Variants in MDGA1 observed in about 807,000 individuals in gnomAD.
The protein encoded by MDGA1 is MAM domain containing glycosylphosphatidylinositol anchor 1, also known as MAM domain-containing glycosylphosphatidylinositol anchor protein 1.
In MDGA1, 54 loss-of-function variants were observed where a neutral mutation model predicts 101.5. That is an observed-to-expected ratio of 0.53 (90% confidence interval 0.43 to 0.67). The LOEUF is 0.67. Among genes scored for constraint, MDGA1 ranks in the 30% least tolerant of loss-of-function variants. The pLI, the probability that MDGA1 is intolerant of heterozygous loss-of-function variation, is 0.00. For missense variants in MDGA1, 1,083 were observed against 1,323.8 expected (o/e 0.82, Z 2.82); for synonymous variants, 533 against 558.3 (o/e 0.95, Z 0.64).
rs1761436051 is a variant in MDGA1 at position 37,654,446 on chromosome 6, G to A, written c.810C>T (p.Leu270=). ...GCCCATGGGACCACTGCAGCTGGGG[G>A]AGGGGATCACCGCCTGTCAGCAGAC... ...VQCLLTGGDP[L]PQLQWSHGPG... Residue 270 remains leucine (L), a synonymous_variant, in exon 6 of 17, where the codon CTC becomes CTT. Transcript: ENST00000434837. 1 of 1,614,040 alleles carries A rather than the reference G, an allele frequency of 6.2e-7. No individual in the cohort carries two copies. Among genetic ancestry groups the A allele is most frequent in the African/African-American group, 1.3e-5 (1 of 75,064 alleles).
chr6:37,637,332 G>A lies in MDGA1; in HGVS notation c.*36C>T, dbSNP rs369667725. The A allele has an allele frequency of 4.2e-4, 649 of 1,542,050 alleles. 4 individuals carry two copies. The highest frequency in any genetic ancestry group is 2.8e-3 in the East Asian group (123 of 44,114). ...TACAATGTGGACACTTTGGTGTGCC[G>A]GGGGCAAGGTTGGGGGGGTGGCCAC... is the stretch of plus-strand genomic sequence containing the variant. On this transcript the variant is annotated 3_prime_UTR_variant, in exon 17 of 17. Coordinates refer to ENST00000434837, the MANE Select transcript of MDGA1 (RefSeq NM_153487.4).
In MDGA1 at chr6:37,638,748, C is replaced by G; in HGVS notation, c.2537-81G>C. 1 of 1,520,022 alleles carries G rather than the reference C, an allele frequency of 6.6e-7. No individual in the cohort carries two copies. Among genetic ancestry groups the G allele is most frequent in the South Asian group, 1.2e-5 (1 of 80,390 alleles). 94.2% of individuals were successfully genotyped at this position (1,520,022 alleles called of 1,614,324 possible). On this transcript the variant is annotated intron_variant, in intron 14 of 16. Transcript: ENST00000434837. This position sits in a 1 kb window ranked among gnomAD's most constrained non-coding sequence, Gnocchi z 4.8. The stretch of plus-strand genomic sequence containing the variant: ...TTCCACATTTACCAAGCCCTCTTCT[C>G]CCACCATAGCCTGCAGCCCTGTCCC...
chr6:37,687,202 T>C (rs1762214252), intron 1 of MDGA1, among the ~76,000 whole-genome samples: 1 of 151,968 alleles, frequency 6.6e-6, no homozygotes, highest in Admixed American at 6.5e-5. Context: ...CAGATGTCAT[T>C]TCACCTCTGC....
chr6:37,648,647 G>A (rs1761272924), intron 9 of MDGA1: 2 of 385,204 alleles, frequency 5.2e-6, no homozygotes, highest in Non-Finnish European at 9.3e-6. Context: ...CCAGGAAGCG[G>A]GCTGAGCTGT....
intron 1 of MDGA1, among the ~76,000 whole-genome samples, chr6:37,688,076 AG>A (rs1326447937): frequency 2.6e-5 from 4 of 152,312 alleles, no homozygotes; most frequent in African/African-American, 9.6e-5. Context: ...CCAAGACTCC[AG>A]GGTTCAGATG....
At chr6:37,670,894 G>C (rs538018915) in intron 1 of MDGA1, among the ~76,000 whole-genome samples, 4 of 152,212 alleles carry the variant, frequency 2.6e-5, no homozygotes, top group Admixed American at 1.3e-4. Context: ...CAGCACAGCC[G>C]AGACTCAAAC....
chr6:37,696,074 T>C lies in MDGA1; in HGVS notation c.67+671A>G, dbSNP rs1199146873. Among the ~76,000 whole-genome samples, 1 of 152,078 alleles carries C rather than the reference T, an allele frequency of 6.6e-6. No homozygotes were observed. Among genetic ancestry groups the C allele is most frequent in the African/African-American group, 2.4e-5 (1 of 41,408 alleles). Reference sequence around the variant, plus strand: ...GTGGGTGCGTGCCGTGTTTGCGTTTTCTGGGGATGGTGGCTGAATGTATCT... The same window carrying C: ...GTGGGTGCGTGCCGTGTTTGCGTTTCCTGGGGATGGTGGCTGAATGTATCT... On this transcript the variant is annotated intron_variant, in intron 1 of 16. Transcript: ENST00000434837. The surrounding 1 kb of genome is among the most constrained non-coding windows in gnomAD (Gnocchi z 5.6).
chr6:37,684,153 T>G (rs756049762), intron 1 of MDGA1, among the ~76,000 whole-genome samples: 4 of 152,208 alleles, frequency 2.6e-5, no homozygotes, highest in Non-Finnish European at 5.9e-5. Context: ...AGTAACCTTC[T>G]GGAAACAGTG....
Position 37,652,395 on chromosome 6 carries a change from C to T in MDGA1, c.983-55G>A. ...TGGGGTTGGCCTGACTCCAGGGGTC[C>T]ATGTCCCACCCCAACCCAGACCCAG... is the stretch of plus-strand genomic sequence containing the variant. On this transcript the variant is annotated intron_variant, in intron 6 of 16. Coordinates refer to ENST00000434837, the MANE Select transcript of MDGA1 (RefSeq NM_153487.4). The surrounding 1 kb of genome is among the most constrained non-coding windows in gnomAD (Gnocchi z 4.3). The T allele has an allele frequency of 7.1e-7, 1 of 1,407,234 alleles. No individual in the cohort carries two copies. Among genetic ancestry groups the T allele is most frequent in the Non-Finnish European group, 9.7e-7 (1 of 1,033,372 alleles). The allele number at this position is 1,407,234 out of a possible 1,614,324, so 87.2% of individuals were successfully genotyped here.
chr6:37,650,983 C>T (rs376953852), intron 7 of MDGA1, among the ~76,000 whole-genome samples: 1 of 152,200 alleles, frequency 6.6e-6, no homozygotes, highest in African/African-American at 2.4e-5. Flanking sequence ...AGAAGCTGTA[C>T]CCCTCTTCTC....
intron 14 of MDGA1, chr6:37,639,569 C>T (rs1764015806): frequency 6.6e-6 from 1 of 152,200 alleles, no homozygotes; most frequent in Non-Finnish European, 1.5e-5. Flanking sequence ...AACTGGTATC[C>T]TTGCTTTTCT....
Position 37,697,762 on chromosome 6 carries a change from C to T in MDGA1, c.-951G>A, listed in dbSNP as rs1434992298. On this transcript the variant is annotated 5_prime_UTR_variant, in exon 1 of 17. Transcript: ENST00000434837. ...CAAGTTGGTCGTCCCCGCCCCCGCCCGGCGGCCTTGGCCTGCGGGGGCCCA... is the reference window on the plus strand; with the variant it reads ...CAAGTTGGTCGTCCCCGCCCCCGCCTGGCGGCCTTGGCCTGCGGGGGCCCA... 6.7e-6 allele frequency: 1 copy of T among 149,296 alleles called. No homozygotes were observed. The highest frequency in any genetic ancestry group is 1.5e-5 in the Non-Finnish European group (1 of 67,058). 9.2% of individuals were successfully genotyped at this position (149,296 alleles called of 1,614,324 possible).
chr6:37,663,899 T>C (rs1561852389), intron 2 of MDGA1, 68 bp downstream of exon 2: 1 of 1,573,306 alleles, frequency 6.4e-7, no homozygotes, highest in Non-Finnish European at 8.7e-7. Context: ...TGCTGCCTCT[T>C]CTTAAGTGCT....
In MDGA1 at chr6:37,652,244, T is replaced by A; in HGVS notation, c.1079A>T (p.Asp360Val). The change falls in exon 7 of 17, where the codon GAT (aspartate) becomes GTT (valine). Residue 360 changes from aspartate to valine, a missense_variant. Physicochemically the swap from Asp to Val is radical, Grantham distance 152. Coordinates refer to ENST00000434837, the MANE Select transcript of MDGA1 (RefSeq NM_153487.4). The surrounding 1 kb of genome is among the most constrained non-coding windows in gnomAD (Gnocchi z 4.3). ...GQDLKLSCHV[D>V]AVPQEKVTYQ... ...GGTCACCTTCTCCTGGGGCACTGCA[T>A]CCACGTGGCACGATAGCTTCAGGTC... 1 of 1,614,036 alleles carries A rather than the reference T, an allele frequency of 6.2e-7. No homozygotes were observed. The highest frequency in any genetic ancestry group is 1.1e-5 in the South Asian group (1 of 91,086).
chr6:37,646,489 TAAAA>T, intron 10 of MDGA1, 114 bp from the exon 11 acceptor site: 1 of 839,032 alleles, frequency 1.2e-6, no homozygotes, highest in Non-Finnish European at 1.7e-6. Flanking sequence ...GTCTTCATAA[TAAAA>T]ATGATGACAG....
intron 1 of MDGA1, among the ~76,000 whole-genome samples, chr6:37,681,144 G>C (rs1395994037): frequency 1.3e-5 from 2 of 152,212 alleles, no homozygotes; most frequent in Non-Finnish European, 2.9e-5. Context: ...ATACAAATCA[G>C]AGGGAAACAC....
At chr6:37,683,954 A>C (rs73415421) in intron 1 of MDGA1, among the ~76,000 whole-genome samples, 17,825 of 152,254 alleles carry the variant, frequency 0.12, 1,243 homozygotes, top group Middle Eastern at 0.24. Context: ...ACATGGCCAC[A>C]ACACAGAGTC....
At chr6:37,639,355 T>C (rs967227067) in intron 14 of MDGA1, 7 of 152,118 alleles carry the variant, frequency 4.6e-5, no homozygotes, top group Admixed American at 2.0e-4. Flanking sequence ...AGCAAAAGAG[T>C]GGGCTGTCTT....
At position 37,643,897 on chromosome 6, in the gene MDGA1, G is replaced by C; in HGVS notation, c.2448C>G (p.Asp816Glu). 6.2e-7 allele frequency: 1 copy of C among 1,613,914 alleles called. No individual in the cohort carries two copies. Among genetic ancestry groups the C allele is most frequent in the Non-Finnish European group, 8.5e-7 (1 of 1,179,866 alleles). ...IETSRPRELGDRARLVSPLYN... is the reference protein window; with the variant it reads ...IETSRPRELGERARLVSPLYN... ...AGAGGGGACTCACTAACCTTGCACG[G>C]TCCCCCAGCTCCCGAGGCCTCGATG... The change falls in exon 14 of 17, where the codon GAC becomes GAG. Residue 816 changes from aspartate to glutamate, a missense_variant. Physicochemically the swap from Asp to Glu is conservative, Grantham distance 45. Around this residue, in one of 3 missense-constraint regions of MDGA1, gnomAD observed 657 missense variants for 771.4 expected, o/e 0.85. Coordinates refer to ENST00000434837, the MANE Select transcript of MDGA1 (RefSeq NM_153487.4).
Sources: allele counts gnomAD v4.1 joint callset (sites outside exome capture counted in the v4.1 genomes callset), GRCh38; gene constraint gnomAD v4.1.1; regional missense constraint gnomAD v4.1.1; non-coding constraint Gnocchi (gnomAD v3.1); transcripts MANE v1.5; gene names NCBI Gene and HGNC (gene_info 2026-07-23, HGNC 2026-07-21).